Variants in TUSC3 observed in about 807,000 individuals in gnomAD.
The protein encoded by TUSC3 is dolichyl-diphosphooligosaccharide--protein glycosyltransferase subunit TUSC3.
A neutral mutation model predicts 44.8 loss-of-function variants in TUSC3; 45 were observed. The observed-to-expected ratio is 1.00, with a 90% CI of 0.79 to 1.29. TUSC3 has a LOEUF of 1.29. TUSC3 is among the 50% of genes most tolerant of loss of function. The pLI, the probability that TUSC3 is intolerant of heterozygous loss-of-function variation, is 0.00. For synonymous variants in TUSC3, 212 were observed against 152.9 expected (o/e 1.39, Z -2.85); for missense variants, 519 against 437.9 (o/e 1.19, Z -1.65).
intron 6 of TUSC3, among the ~76,000 whole-genome samples, chr8:15,702,808 A>G (rs889430542): frequency 6.6e-6 from 1 of 152,142 alleles, no homozygotes; most frequent in Non-Finnish European, 1.5e-5. Flanking sequence ...AAAAAATACA[A>G]CTAACTTCTC....
At chr8:15,426,569 C>T (rs1799807045) in intron 1 of TUSC3, among the ~76,000 whole-genome samples, 1 of 152,156 alleles carries the variant, frequency 6.6e-6, no homozygotes, top group South Asian at 2.1e-4. Flanking sequence ...TCACAAAGGA[C>T]AGGATTTCTT....
chr8:15,620,944 T>C (rs966295491), intron 1 of TUSC3, among the ~76,000 whole-genome samples: 8 of 152,104 alleles, frequency 5.3e-5, no homozygotes, highest in African/African-American at 1.7e-4. Flanking sequence ...ACAGTAAGAT[T>C]ATTGTAGAAA....
chr8:15,469,968 A>C (rs1262149383), intron 1 of TUSC3, among the ~76,000 whole-genome samples: 1 of 152,166 alleles, frequency 6.6e-6, no homozygotes, highest in East Asian at 1.9e-4. Flanking sequence ...TAAAGAGATC[A>C]GTGGAGGCTG....
chr8:15,477,424 A>G (rs1800593134), intron 1 of TUSC3, among the ~76,000 whole-genome samples: 1 of 152,178 alleles, frequency 6.6e-6, no homozygotes, highest in African/African-American at 2.4e-5. Context: ...CACATTGTAC[A>G]GGTATAGGTT....
chr8:15,573,404 T>C (rs1802967447), intron 1 of TUSC3, among the ~76,000 whole-genome samples: 1 of 151,656 alleles, frequency 6.6e-6, no homozygotes, highest in South Asian at 2.1e-4. Flanking sequence ...CACAATAGCG[T>C]GGCGGTGGGA....
intron 2 of TUSC3, among the ~76,000 whole-genome samples, chr8:15,518,594 C>A (rs1563272276): frequency 6.6e-6 from 1 of 152,180 alleles, no homozygotes; most frequent in South Asian, 2.1e-4. Flanking sequence ...ATATTTATAT[C>A]CTTTCCTTTT....
intron 1 of TUSC3, among the ~76,000 whole-genome samples, chr8:15,589,726 A>AT: frequency 1.3e-5 from 2 of 152,232 alleles, no homozygotes; most frequent in East Asian, 3.9e-4. Context: ...TTTGTACATC[A>AT]TTTATAACCA....
At chr8:15,491,350 C>G (rs1239870949) in intron 2 of TUSC3, among the ~76,000 whole-genome samples, 1 of 152,066 alleles carries the variant, frequency 6.6e-6, no homozygotes, top group East Asian at 1.9e-4. Context: ...AGGTATGTAG[C>G]TATCTAGGAA....
At chr8:15,811,095 A>G in the TUSC3 span, among the ~76,000 whole-genome samples, 1 of 152,168 alleles carries the variant, frequency 6.6e-6, no homozygotes, top group Non-Finnish European at 1.5e-5. Flanking sequence ...TTTAGGAGAC[A>G]AGGAGTGTGA....
chr8:15,731,453 T>A (rs1327132244), intron 7 of TUSC3, among the ~76,000 whole-genome samples: 1 of 152,164 alleles, frequency 6.6e-6, no homozygotes, highest in Non-Finnish European at 1.5e-5. Context: ...CATATTCAAA[T>A]GTGTAGTCTA....
At chr8:15,727,776 A>G (rs1810557998) in intron 6 of TUSC3, among the ~76,000 whole-genome samples, 1 of 152,232 alleles carries the variant, frequency 6.6e-6, no homozygotes, top group African/African-American at 2.4e-5. Flanking sequence ...AGTTTGTTGA[A>G]GTGGAAACTA....
At chr8:15,819,332 T>C in the TUSC3 span, among the ~76,000 whole-genome samples, 2 of 152,156 alleles carry the variant, frequency 1.3e-5, no homozygotes, top group Admixed American at 1.3e-4. Context: ...AAAATACTAA[T>C]GAAATATTTC....
chr8:15,850,031 G>A, the TUSC3 span, among the ~76,000 whole-genome samples: 1 of 151,736 alleles, frequency 6.6e-6, no homozygotes, highest in African/African-American at 2.4e-5. Context: ...TCTCCTCGGG[G>A]GCCCCTATTT....
chr8:15,502,042 C>T (rs1216840543), intron 2 of TUSC3, among the ~76,000 whole-genome samples: 1 of 152,016 alleles, frequency 6.6e-6, no homozygotes. Context: ...TATTGGTTTC[C>T]TTTATACAAC....
chr8:15,537,324 T>G (rs536772448), upstream of TUSC3, among the ~76,000 whole-genome samples: 1 of 152,254 alleles, frequency 6.6e-6, no homozygotes, highest in South Asian at 2.1e-4. Flanking sequence ...CACCCCACTT[T>G]AAGTCGTCCT....
intron 6 of TUSC3, among the ~76,000 whole-genome samples, chr8:15,694,335 A>C (rs953315055): frequency 6.6e-6 from 1 of 151,002 alleles, no homozygotes; most frequent in African/African-American, 2.4e-5. Flanking sequence ...CCAGCCACTC[A>C]GGAGTCTGAG....
In TUSC3 at chr8:15,623,128, C is replaced by A; in HGVS notation, c.187C>A (p.Arg63Ser). 2 of 1,613,828 alleles carry A rather than the reference C, an allele frequency of 1.2e-6. No individual in the cohort carries two copies. The highest frequency in any genetic ancestry group is 1.3e-5 in the African/African-American group (1 of 75,010). ...GCAGCTGATGGAATGGAGTTCCAGA[C>A]GCTCAATCTTCCGAATGAATGGTGA... ...VEQLMEWSSR[R>S]SIFRMNGDKF... The change falls in exon 2 of 11, where the codon CGC becomes AGC. Residue 63 changes from arginine to serine, a missense_variant. Physicochemically the swap from Arg to Ser is moderately radical, Grantham distance 110 (BLOSUM62 -1). Coordinates refer to ENST00000503731, the MANE Select transcript of TUSC3 (RefSeq NM_006765.4).
chr8:15,490,511 G>C (rs997314352), intron 2 of TUSC3, among the ~76,000 whole-genome samples: 1 of 152,148 alleles, frequency 6.6e-6, no homozygotes, highest in Non-Finnish European at 1.5e-5. Context: ...TTGAGGTTTG[G>C]GAAATGCAGC....
At chr8:15,741,142 C>A (rs142040956) in intron 7 of TUSC3, among the ~76,000 whole-genome samples, 2 of 40,568 alleles carry the variant, frequency 4.9e-5, no homozygotes, top group Non-Finnish European at 1.4e-4. Context: ...GTGTATAAAC[C>A]GATAACATGT....
Sources: allele counts gnomAD v4.1 joint callset (sites outside exome capture counted in the v4.1 genomes callset), GRCh38; gene constraint gnomAD v4.1.1; transcripts MANE v1.5; gene names NCBI Gene and HGNC (gene_info 2026-07-23, HGNC 2026-07-21).